The following PCDHGA2 variants were observed in gnomAD, a reference collection of about 807,000 sequenced individuals.
PCDHGA2 encodes the protein protocadherin gamma subfamily A, 2.
In PCDHGA2, 40 loss-of-function variants were observed where a neutral mutation model predicts 59.2. The observed-to-expected ratio is 0.68, with a 90% CI of 0.52 to 0.88. PCDHGA2 has a LOEUF of 0.88. Ranked by LOEUF, PCDHGA2 falls within the 40% of genes least tolerant of loss-of-function variation. PCDHGA2 has a pLI of 0.00. For missense variants in PCDHGA2, 1,226 were observed against 1,204.0 expected (o/e 1.02, Z -0.27); for synonymous variants, 560 against 526.0 (o/e 1.06, Z -0.89).
chr5:141,407,971 G>A, intron 1 of PCDHGA2: 2 of 717,762 alleles, frequency 2.8e-6, no homozygotes, highest in South Asian at 2.3e-5. Flanking sequence ...AAGCGCTGAC[G>A]CCGGGGATCC....
rs147522770 is a variant in PCDHGA2, at chr5:141,504,573, C to T, written c.2484-820C>T. On this transcript the variant is annotated intron_variant, in intron 2 of 3. Coordinates refer to ENST00000394576, the MANE Select transcript of PCDHGA2 (RefSeq NM_018915.4). ...TGGGGGACTGGCATTCTAGGGAACA[C>T]CATCTGCCCAGGATTCACAGCAAGA... Among the ~76,000 whole-genome samples the T allele has an allele frequency of 5.4e-5, 8 of 148,158 alleles. No individual in the cohort carries two copies. In the East Asian group the frequency reaches 1.6e-3, roughly 30 times the overall value.
chr5:141,388,170 T>A (rs756859307), intron 1 of PCDHGA2: 1 of 1,495,754 alleles, frequency 6.7e-7, no homozygotes, highest in East Asian at 2.3e-5. Context: ...GGAGGAGATA[T>A]GCGGGAAGAA....
chr5:141,359,246 A>C (rs1007985499), intron 1 of PCDHGA2, among the ~76,000 whole-genome samples: 10 of 152,156 alleles, frequency 6.6e-5, no homozygotes, highest in Non-Finnish European at 1.2e-4. Flanking sequence ...TAAAGTAATT[A>C]AGCCATAAAA....
intron 1 of PCDHGA2, chr5:141,400,237 A>C (rs1375797222): frequency 3.7e-6 from 6 of 1,613,750 alleles, no homozygotes; most frequent in African/African-American, 1.3e-5. Flanking sequence ...CCTGGCCGTG[A>C]TTCTGGCCGT....
chr5:141,419,571 G>C, intron 1 of PCDHGA2: 1 of 1,611,704 alleles, frequency 6.2e-7, no homozygotes. Context: ...GGTCCCGACG[G>C]CTCCGCGCTC....
chr5:141,352,656 C>A, intron 1 of PCDHGA2: 1 of 1,597,704 alleles, frequency 6.3e-7, no homozygotes, highest in African/African-American at 1.3e-5. Flanking sequence ...TATGACCCTT[C>A]TTTGTCTTCG....
chr5:141,385,576 A>G, intron 1 of PCDHGA2: 1 of 1,288,582 alleles, frequency 7.8e-7, no homozygotes, highest in Non-Finnish European at 9.8e-7. Context: ...CTACTTTCCA[A>G]TCTATGTTCC....
At chr5:141,470,734 G>A (rs970003510) in intron 1 of PCDHGA2, among the ~76,000 whole-genome samples, 1 of 152,128 alleles carries the variant, frequency 6.6e-6, no homozygotes, top group Non-Finnish European at 1.5e-5. Context: ...GTCTTGCTCT[G>A]TCGCCCTGGC....
intron 1 of PCDHGA2, among the ~76,000 whole-genome samples, chr5:141,397,238 C>A (rs2093493095): frequency 6.6e-6 from 1 of 151,972 alleles, no homozygotes; most frequent in African/African-American, 2.4e-5. Flanking sequence ...AGAAGAGCAA[C>A]GTAGTAGGGT....
intron 1 of PCDHGA2, among the ~76,000 whole-genome samples, chr5:141,406,473 T>A (rs2094813817): frequency 6.6e-6 from 1 of 152,248 alleles, no homozygotes; most frequent in African/African-American, 2.4e-5. Context: ...CTCTTTGAGG[T>A]TATATTTTTC....
rs976135607 is a variant in PCDHGA2 at position 141,489,115 on chromosome 5, C to A, written c.2425-5692C>A. ...CTAAGAACTGCTGCAAGCAGGCAAA[C>A]CTCCGAGCAGTTTTTAAGAGGCTGG... On this transcript the variant is annotated intron_variant, in intron 1 of 3. Coordinates refer to ENST00000394576, the MANE Select transcript of PCDHGA2 (RefSeq NM_018915.4). This position sits in a 1 kb window ranked among gnomAD's most constrained non-coding sequence, Gnocchi z 4.5. 7.3e-5 allele frequency: 37 copies of A among 506,794 alleles called. No homozygotes were observed. Among genetic ancestry groups the A allele is most frequent in the Non-Finnish European group, 1.2e-4 (35 of 298,604 alleles). 31.4% of individuals were successfully genotyped at this position (506,794 alleles called of 1,614,324 possible).
intron 1 of PCDHGA2, among the ~76,000 whole-genome samples, chr5:141,450,467 T>G (rs997813636): frequency 1.3e-5 from 2 of 151,944 alleles, no homozygotes; most frequent in African/African-American, 2.4e-5. Flanking sequence ...ATTTTATATA[T>G]AGAGTTTGTT....
intron 1 of PCDHGA2, chr5:141,478,242 T>C (rs750487479): frequency 6.2e-7 from 1 of 1,614,156 alleles, no homozygotes; most frequent in Admixed American, 1.7e-5. Context: ...GTGGTCACAG[T>C]GTTCGGAGTA....
chr5:141,375,138 G>A (rs778788428), intron 1 of PCDHGA2: 2 of 1,613,922 alleles, frequency 1.2e-6, no homozygotes. Context: ...GTTACATCTG[G>A]AAGCAGAACA....
intron 1 of PCDHGA2, chr5:141,375,850 C>A (rs931838448): frequency 1.9e-6 from 3 of 1,614,070 alleles, no homozygotes; most frequent in East Asian, 2.2e-5. Context: ...ACCTGGTGAC[C>A]AAGGTGGTGG....
intron 1 of PCDHGA2, chr5:141,409,421 G>C (rs1381290106): frequency 6.2e-7 from 1 of 1,614,044 alleles, no homozygotes; most frequent in South Asian, 1.1e-5. Context: ...ACTGGTGACA[G>C]ATGGAGCCCT....
chr5:141,356,666 A>G (rs1760298726), intron 1 of PCDHGA2: 1 of 1,613,726 alleles, frequency 6.2e-7, no homozygotes, highest in Admixed American at 1.7e-5. Flanking sequence ...CGAATCACTT[A>G]CTCCCTGGCC....
At position 141,383,836 on chromosome 5, in the gene PCDHGA2, G is replaced by T. The variant is rs753167153; in HGVS notation, c.2424+42441G>T. On this transcript the variant is annotated intron_variant, in intron 1 of 3. Coordinates refer to ENST00000394576, the MANE Select transcript of PCDHGA2 (RefSeq NM_018915.4). ...AGAAGGATTAGATTATGAAGAAACT[G>T]CCTTCTATGAAATGGAGGTTCAGGC... 7 of 1,613,756 alleles carry T rather than the reference G, an allele frequency of 4.3e-6. No individual in the cohort carries two copies. The South Asian group carries it at 5.5e-5, about 13-fold the overall frequency.
chr5:141,399,162 C>T (rs1174255078), intron 1 of PCDHGA2: 1 of 1,613,664 alleles, frequency 6.2e-7, no homozygotes, highest in South Asian at 1.1e-5. Context: ...AAGTTACATT[C>T]CATTCTCTAC....
Sources: allele counts gnomAD v4.1 joint callset (sites outside exome capture counted in the v4.1 genomes callset), GRCh38; gene constraint gnomAD v4.1.1; non-coding constraint Gnocchi (gnomAD v3.1); transcripts MANE v1.5; gene names NCBI Gene and HGNC (gene_info 2026-07-23, HGNC 2026-07-21).